Variants in FBXL7 observed in about 807,000 individuals in gnomAD.
The protein encoded by FBXL7 is F-box/LRR-repeat protein 7.
In FBXL7, 12 loss-of-function variants were observed where a neutral mutation model predicts 38.3. That is an observed-to-expected ratio of 0.31 (90% CI 0.20 to 0.51). FBXL7 has a LOEUF of 0.51. Ranked by LOEUF, FBXL7 falls within the 20% of genes least tolerant of loss-of-function variation. FBXL7 has a pLI of 0.98. For synonymous variants in FBXL7, 297 were observed against 300.9 expected (o/e 0.99, Z 0.13); for missense variants, 567 against 676.4 (o/e 0.84, Z 1.79).
intron 1 of FBXL7, among the ~76,000 whole-genome samples, chr5:15,596,264 A>C (rs1580393030): frequency 6.6e-6 from 1 of 152,228 alleles, no homozygotes; most frequent in African/African-American, 2.4e-5. Flanking sequence ...CTGTCTTTAG[A>C]TTAAAAAAGC....
At chr5:15,500,756 C>T (rs775763475) in intron 1 of FBXL7, 43 bp downstream of exon 1, 3 of 1,592,962 alleles carry the variant, frequency 1.9e-6, no homozygotes, top group Admixed American at 3.5e-5. Context: ...TCGCGTCCCT[C>T]CTCCCCTTTC....
At chr5:15,677,967 G>C (rs1742717729) in intron 2 of FBXL7, among the ~76,000 whole-genome samples, 1 of 152,048 alleles carries the variant, frequency 6.6e-6, no homozygotes, top group African/African-American at 2.4e-5. Context: ...CTTTCAGCCG[G>C]AACATTACGT....
At chr5:15,851,308 C>T (rs1312305111) in intron 2 of FBXL7, among the ~76,000 whole-genome samples, 2 of 152,038 alleles carry the variant, frequency 1.3e-5, no homozygotes, top group African/African-American at 2.4e-5. Flanking sequence ...AGCCTGTGTG[C>T]AAAATGAAGT....
At chr5:15,586,007 C>T (rs1239947606) in intron 1 of FBXL7, among the ~76,000 whole-genome samples, 1 of 152,164 alleles carries the variant, frequency 6.6e-6, no homozygotes, top group African/African-American at 2.4e-5. Context: ...AGGCCTGGAG[C>T]CAGTCTCCTT....
intron 1 of FBXL7, among the ~76,000 whole-genome samples, chr5:15,537,663 G>A (rs544878850): frequency 6.6e-5 from 10 of 152,354 alleles, no homozygotes; most frequent in South Asian, 6.2e-4. Flanking sequence ...ATAGAAGTAC[G>A]GGGTTTATTC....
intron 2 of FBXL7, among the ~76,000 whole-genome samples, chr5:15,757,344 C>G (rs974912804): frequency 3.9e-5 from 6 of 152,152 alleles, no homozygotes; most frequent in African/African-American, 1.2e-4. Flanking sequence ...TGTACAGACT[C>G]TAAGACCTGG....
chr5:15,594,852 T>C (rs981397983), intron 1 of FBXL7, among the ~76,000 whole-genome samples: 1 of 152,278 alleles, frequency 6.6e-6, no homozygotes, highest in African/African-American at 2.4e-5. Flanking sequence ...GTCTTCTCTC[T>C]GATTCTCTGT....
chr5:15,939,565 A>G lies in FBXL7; in HGVS notation c.*2379A>G, dbSNP rs1432955176. 1 of 152,500 alleles carries G rather than the reference A, an allele frequency of 6.6e-6. No individual in the cohort carries two copies. The highest frequency in any genetic ancestry group is 1.5e-5 in the Non-Finnish European group (1 of 68,168). 9.4% of individuals were successfully genotyped at this position (152,500 alleles called of 1,614,324 possible). A position where few individuals can be genotyped will look rare whatever the true frequency, so the allele number is the denominator to read the frequency against. On this transcript the variant is annotated 3_prime_UTR_variant, in exon 4 of 4. Transcript: ENST00000504595. The stretch of plus-strand genomic sequence containing the variant: ...CTGTTCTCCCTTGGGGTGGGAATCT[A>G]TGATGGAGGTTACTGGGGAAACAGC...
intron 2 of FBXL7, among the ~76,000 whole-genome samples, chr5:15,739,455 C>A (rs2126673047): frequency 6.6e-6 from 1 of 152,290 alleles, no homozygotes; most frequent in Admixed American, 6.5e-5. Context: ...TTAGTGTATT[C>A]ACAGAATTGT....
chr5:15,759,562 T>C (rs1048150096), intron 2 of FBXL7, among the ~76,000 whole-genome samples: 2 of 152,196 alleles, frequency 1.3e-5, no homozygotes, highest in African/African-American at 4.8e-5. Context: ...TTGTAAAATA[T>C]ATATTTTTAA....
At chr5:15,584,683 C>T (rs1739252103) in intron 1 of FBXL7, among the ~76,000 whole-genome samples, 1 of 152,212 alleles carries the variant, frequency 6.6e-6, no homozygotes, top group South Asian at 2.1e-4. Flanking sequence ...TACCCAATTT[C>T]AAAGCTGCTT....
chr5:15,703,549 G>C (rs1193845025), intron 2 of FBXL7, among the ~76,000 whole-genome samples: 3 of 152,054 alleles, frequency 2.0e-5, no homozygotes, highest in Non-Finnish European at 4.4e-5. Context: ...AAAACAACTT[G>C]GATCTGAAAA....
At chr5:15,543,064 T>A (rs569151517) in intron 1 of FBXL7, among the ~76,000 whole-genome samples, 1 of 152,080 alleles carries the variant, frequency 6.6e-6, no homozygotes, top group South Asian at 2.1e-4. Flanking sequence ...CAGAAAGGAG[T>A]TGTCCTTGGA....
Position 15,937,544 on chromosome 5 carries a change from A to ACCC in FBXL7, c.*359_*360insCCC, listed in dbSNP as rs1742232671. 3.2e-5 allele frequency: 2 copies of ACCC among 62,344 alleles called. No homozygotes were observed. Among genetic ancestry groups the ACCC allele is most frequent in the Admixed American group, 1.7e-4 (1 of 5,824 alleles). The allele number at this position is 62,344 out of a possible 1,614,324, so 3.9% of individuals were successfully genotyped here. On this transcript the variant is annotated 3_prime_UTR_variant, in exon 4 of 4. Coordinates refer to ENST00000504595, the MANE Select transcript of FBXL7 (RefSeq NM_012304.5). ...ACACAGGCCCCACCCCCACAGTTCC[A>ACCC]CGCCCCCCCCCCAAGGCCACACCCT...
chr5:15,741,681 A>G (rs1005056595), intron 2 of FBXL7, among the ~76,000 whole-genome samples: 2 of 152,202 alleles, frequency 1.3e-5, no homozygotes, highest in African/African-American at 4.8e-5. Flanking sequence ...GCAAGGCGTG[A>G]GGCAAAAAAG....
intron 2 of FBXL7, among the ~76,000 whole-genome samples, chr5:15,644,304 C>CAAAAAAAAAAA (rs369213583): frequency 2.1e-5 from 2 of 94,808 alleles, no homozygotes; most frequent in African/African-American, 3.9e-5. Flanking sequence ...ACTAAAAATC[C>CAAAAAAAAAAA]AAAAAAAAAA....
chr5:15,586,030 A>G (rs181174967), intron 1 of FBXL7, among the ~76,000 whole-genome samples: 3 of 152,340 alleles, frequency 2.0e-5, no homozygotes, highest in African/African-American at 7.2e-5. Flanking sequence ...TGAGAGCCCA[A>G]TAAGCCCTTA....
At chr5:15,551,726 A>G (rs949105679) in intron 1 of FBXL7, among the ~76,000 whole-genome samples, 1 of 152,122 alleles carries the variant, frequency 6.6e-6, no homozygotes, top group African/African-American at 2.4e-5. Context: ...TTTTTTCTGT[A>G]TCTGGAAGTG....
At chr5:15,580,362 C>T (rs910394609) in intron 1 of FBXL7, among the ~76,000 whole-genome samples, 7 of 152,116 alleles carry the variant, frequency 4.6e-5, no homozygotes, top group Non-Finnish European at 1.0e-4. Context: ...AATAAAGAGG[C>T]AAGTTAGAAG....
Sources: allele counts gnomAD v4.1 joint callset (sites outside exome capture counted in the v4.1 genomes callset), GRCh38; gene constraint gnomAD v4.1.1; transcripts MANE v1.5; gene names NCBI Gene and HGNC (gene_info 2026-07-23, HGNC 2026-07-21).